The following HNF1B variants were observed in gnomAD, a reference collection of about 807,000 sequenced individuals.
HNF1B encodes HNF1 homeobox B.
In HNF1B, 8 loss-of-function variants were observed where a neutral mutation model predicts 61.7. The observed-to-expected ratio is 0.13, with a 90% CI of 0.08 to 0.23. The LOEUF is 0.23. Ranked by LOEUF, HNF1B falls within the 10% of genes least tolerant of loss-of-function variation. The probability of loss-of-function intolerance (pLI) is 1.00; values close to 1 mark genes in which losing one functional copy is unlikely to be tolerated. For synonymous variants in HNF1B, 314 were observed against 287.7 expected (o/e 1.09, Z -0.93); for missense variants, 562 against 714.5 (o/e 0.79, Z 2.43).
At chr17:37,713,256 G>T (rs1189122922) in intron 4 of HNF1B, among the ~76,000 whole-genome samples, 2 of 152,204 alleles carry the variant, frequency 1.3e-5, no homozygotes, top group African/African-American at 4.8e-5. Context: ...TCTGGATTTA[G>T]CCTATTTAAT....
chr17:37,724,742 A>C, intron 4 of HNF1B, among the ~76,000 whole-genome samples: 1 of 152,224 alleles, frequency 6.6e-6, no homozygotes, highest in Non-Finnish European at 1.5e-5. Context: ...TGAATAGTTT[A>C]AAGTACTTAA....
Sources: gnomAD v4.1 joint callset for allele counts (sites outside exome capture counted in the v4.1 genomes callset) on GRCh38, gnomAD v4.1.1 for gene constraint, MANE v1.5 for transcripts, NCBI Gene and HGNC (gene_info 2026-07-23, HGNC 2026-07-21) for gene names.